Variants in SLC9A7 observed in about 807,000 individuals in gnomAD.
The protein encoded by SLC9A7 is solute carrier family 9 member A7.
A neutral mutation model predicts 52.6 loss-of-function variants in SLC9A7; 19 were observed. The observed-to-expected ratio is 0.36, with a 90% CI of 0.25 to 0.53. The LOEUF (loss-of-function observed/expected upper bound fraction) is 0.53, where lower values mean the gene tolerates loss of function less well. SLC9A7 is among the 20% of genes least tolerant of loss of function. The pLI is 0.91. For missense variants in SLC9A7, 455 were observed against 597.9 expected (o/e 0.76, Z 2.49); for synonymous variants, 226 against 252.1 (o/e 0.90, Z 0.98).
chrX:46,670,491 ATG>A (rs753330010), intron 4 of SLC9A7, among the ~76,000 whole-genome samples: 3 of 110,543 alleles, frequency 2.7e-5, no homozygotes, highest in Admixed American at 1.9e-4. Flanking sequence ...CTGTGCGTGC[ATG>A]TGTGTGTGTG....
At chrX:46,610,630 A>T (rs977645176) in intron 16 of SLC9A7, among the ~76,000 whole-genome samples, 10 of 111,888 alleles carry the variant, frequency 8.9e-5, no homozygotes, top group Non-Finnish European at 1.7e-4. Flanking sequence ...TCAAAGCAGC[A>T]GCAGCAGCAG....
In SLC9A7 at chrX:46,652,436, G is replaced by C. The variant is rs868590331; in HGVS notation, c.1148-1032C>G. Among the ~76,000 whole-genome samples the C allele has an allele frequency of 3.0e-3, 330 of 110,613 alleles. 2 individuals carry two copies. Among genetic ancestry groups the C allele is most frequent in the Non-Finnish European group, 1.9e-3 (101 of 52,976 alleles). On this transcript the variant is annotated intron_variant, in intron 8 of 16. Transcript: ENST00000616978. ...AAGTGCTGGGATTATATAGGCATGC[G>C]CACTGTGCCTGGCCTAGATTTTTTC...
chrX:46,621,937 T>C (rs1943052627), intron 14 of SLC9A7, among the ~76,000 whole-genome samples: 1 of 111,840 alleles, frequency 8.9e-6, no homozygotes, highest in South Asian at 3.7e-4. Context: ...TGAGGGACAA[T>C]TGACAATCAC....
intron 3 of SLC9A7, among the ~76,000 whole-genome samples, chrX:46,677,939 G>T (rs1944145091): frequency 8.9e-6 from 1 of 111,913 alleles, no homozygotes; most frequent in Non-Finnish European, 1.9e-5. Context: ...TGTCTTTCAA[G>T]GAATTTGTCC....
At chrX:46,746,542 C>T (rs1921793085) in intron 1 of SLC9A7, among the ~76,000 whole-genome samples, 1 of 111,912 alleles carries the variant, frequency 8.9e-6, no homozygotes, top group Non-Finnish European at 1.9e-5. Context: ...TGAAAAAATG[C>T]TCAACATCAC....
At chrX:46,648,523 A>T (rs144713343) in intron 11 of SLC9A7, among the ~76,000 whole-genome samples, 163 bp downstream of exon 11, 170 of 112,036 alleles carry the variant, frequency 1.5e-3, no homozygotes, top group African/African-American at 5.2e-3. Context: ...ATCAACACTA[A>T]CTCAACTGAA....
In SLC9A7 at chrX:46,631,568, G is replaced by A; in HGVS notation, c.1740+18C>T. The A allele has an allele frequency of 8.4e-7, 1 of 1,193,369 alleles. No homozygotes were observed. ...GCTCAAATGTCTTCCCCAGGAAGAA[G>A]CATCTCTTGTGACTTACCCCTTGTA... On this transcript the variant is annotated intron_variant, in intron 14 of 16. Transcript: ENST00000616978.
At position 46,599,641 on chromosome X, in the gene SLC9A7, C is replaced by CTT. The variant is rs1224737857; in HGVS notation, c.*7309_*7310dup. 8.9e-6 allele frequency: 1 copy of CTT among 111,816 alleles called. No individual in the cohort carries two copies. Among genetic ancestry groups the CTT allele is most frequent in the Non-Finnish European group, 1.9e-5 (1 of 53,169 alleles). The allele number at this position is 111,816 out of a possible 1,213,427, so 9.2% of individuals were successfully genotyped here. ...AGTAAAATGCTAGGGAAAGACGGCA[C>CTT]TTTGGGGGCCTACTGCAGTTTTCCT... is the stretch of plus-strand genomic sequence containing the variant. On this transcript the variant is annotated 3_prime_UTR_variant, in exon 17 of 17. Coordinates refer to ENST00000616978, the MANE Select transcript of SLC9A7 (RefSeq NM_001257291.2).
intron 5 of SLC9A7, among the ~76,000 whole-genome samples, chrX:46,669,046 T>C (rs1357902609): frequency 9.2e-6 from 1 of 108,194 alleles, no homozygotes; most frequent in East Asian, 2.9e-4. Flanking sequence ...CAGGCGCCTG[T>C]AGTCCCAGCT....
rs1942623065 is a variant in SLC9A7 at position 46,599,274 on chromosome X, C to CAAA, written c.*7675_*7677dup. ...AGTCATGCCAATAAAACTTTATTTA[C>CAAA]AAAAAAAGGCAGTGGGCTGGACTTG... On this transcript the variant is annotated 3_prime_UTR_variant, in exon 17 of 17. Coordinates refer to ENST00000616978, the MANE Select transcript of SLC9A7 (RefSeq NM_001257291.2). 9.0e-6 allele frequency: 1 copy of CAAA among 111,367 alleles called. No individual in the cohort carries two copies. Among genetic ancestry groups the CAAA allele is most frequent in the Non-Finnish European group, 1.9e-5 (1 of 53,037 alleles). 9.2% of individuals were successfully genotyped at this position (111,367 alleles called of 1,213,427 possible). A position where few individuals can be genotyped will look rare whatever the true frequency, so the allele number is the denominator to read the frequency against.
intron 15 of SLC9A7, among the ~76,000 whole-genome samples, chrX:46,619,344 A>G (rs1315520201): frequency 8.9e-6 from 1 of 111,972 alleles, no homozygotes; most frequent in African/African-American, 3.3e-5. Context: ...GAAAACTGGC[A>G]CTATCTTCTA....
chrX:46,635,751 C>A, intron 12 of SLC9A7, 103 bp from the exon 13 acceptor site: 1 of 585,749 alleles, frequency 1.7e-6, no homozygotes. Flanking sequence ...ATATTTTTCA[C>A]TTTCAATATG....
chrX:46,675,041 GAGAA>G (rs1285991523), intron 3 of SLC9A7, among the ~76,000 whole-genome samples: 2 of 106,550 alleles, frequency 1.9e-5, no homozygotes, highest in South Asian at 4.2e-4. Flanking sequence ...GAGAGAGAGA[GAGAA>G]AGAGAGAGAG....
In SLC9A7 at chrX:46,612,924, C is replaced by CA. The variant is rs57833520; in HGVS notation, c.1929+364dup. On this transcript the variant is annotated intron_variant, in intron 16 of 16. Transcript: ENST00000616978. ...TGGGCGACAGAGTGAGACTCCGTCT[C>CA]AAAAAAAAAAAAAAAAAAAAAAAAA... 8.4e-3 allele frequency among the ~76,000 whole-genome samples: 272 copies of CA among 32,486 alleles called. 45 individuals carry two copies. The highest frequency in any genetic ancestry group is 0.012 in the Non-Finnish European group (228 of 19,354). 28.2% of individuals were successfully genotyped at this position (32,486 alleles called of 115,157 possible).
chrX:46,660,572 A>G (rs1461221221), intron 7 of SLC9A7, among the ~76,000 whole-genome samples: 1 of 111,302 alleles, frequency 9.0e-6, no homozygotes, highest in African/African-American at 3.3e-5. Flanking sequence ...ACATGAACAG[A>G]CACTTCTCAA....
chrX:46,645,449 A>C (rs1943474017), intron 11 of SLC9A7, among the ~76,000 whole-genome samples: 1 of 111,525 alleles, frequency 9.0e-6, no homozygotes, highest in Non-Finnish European at 1.9e-5. Flanking sequence ...CAGCAGTGGC[A>C]GCTCAGAAAT....
rs57157177 is a variant in SLC9A7 at position 46,730,670 on chromosome X, TTATATA to T, written c.325+28029_325+28034del. On this transcript the variant is annotated intron_variant, in intron 1 of 16. Coordinates refer to ENST00000616978, the MANE Select transcript of SLC9A7 (RefSeq NM_001257291.2). ...GCGAGACTGTCTCAAAAAAAAAAAA[TTATATA>T]TATATATATATATATATATATATAT... Among the ~76,000 whole-genome samples the T allele has an allele frequency of 2.3e-3, 99 of 42,910 alleles. 4 individuals are homozygous for T. Among genetic ancestry groups the T allele is most frequent in the Admixed American group, 3.0e-3 (6 of 2,020 alleles). 37.3% of individuals were successfully genotyped at this position (42,910 alleles called of 115,157 possible).
At chrX:46,648,946 C>A (rs953405011) in intron 10 of SLC9A7, 149 bp from the exon 11 acceptor site, 1 of 421,605 alleles carries the variant, frequency 2.4e-6, no homozygotes, top group East Asian at 3.9e-5. Context: ...CTAGTTCCCC[C>A]CTAGACAAGT....
At chrX:46,676,086 G>A (rs1057324560) in intron 3 of SLC9A7, among the ~76,000 whole-genome samples, 2 of 111,314 alleles carry the variant, frequency 1.8e-5, no homozygotes, top group Non-Finnish European at 1.9e-5. Context: ...GTAAATATGA[G>A]TGTTTCCCTG....
Sources: gnomAD v4.1 joint callset for allele counts (sites outside exome capture counted in the v4.1 genomes callset) on GRCh38, gnomAD v4.1.1 for gene constraint, MANE v1.5 for transcripts, NCBI Gene and HGNC (gene_info 2026-07-23, HGNC 2026-07-21) for gene names.